Variants in CHODL observed in about 807,000 individuals in gnomAD.
The protein encoded by CHODL is chondrolectin, also known as transmembrane protein MT75.
In CHODL, 29 loss-of-function variants were observed where a neutral mutation model predicts 34.5. That is an observed-to-expected ratio of 0.84 (90% CI 0.63 to 1.15). CHODL has a LOEUF of 1.15. CHODL is among the 50% of genes most tolerant of loss of function. The pLI is 0.00. For synonymous variants in CHODL, 125 were observed against 116.1 expected, an observed-to-expected ratio of 1.08 and a Z score of -0.49; for missense variants, 332 against 332.5, an observed-to-expected ratio of 1.00 and a Z score of 0.01.
chr21:18,074,036 G>T (rs181764505), intron 2 of CHODL, among the ~76,000 whole-genome samples: 3 of 151,886 alleles, frequency 2.0e-5, no homozygotes, highest in Non-Finnish European at 4.4e-5. Context: ...CTGAAATGTC[G>T]AAAGAATACT....
chr21:18,192,811 T>A (rs2073526562), intron 2 of CHODL, among the ~76,000 whole-genome samples: 2 of 152,184 alleles, frequency 1.3e-5, no homozygotes. Context: ...TAGAACAAAG[T>A]AATCCCATTT....
chr21:18,258,410 A>G (rs2074342191), intron 3 of CHODL, among the ~76,000 whole-genome samples: 1 of 152,152 alleles, frequency 6.6e-6, no homozygotes, highest in African/African-American at 2.4e-5. Context: ...ATTATTCTTA[A>G]TATTACATTA....
At chr21:18,094,911 G>T (rs889578195) in intron 2 of CHODL, among the ~76,000 whole-genome samples, 2 of 152,038 alleles carry the variant, frequency 1.3e-5, no homozygotes, top group Non-Finnish European at 1.5e-5. Context: ...ATCTCCTGAG[G>T]TTAGGAGTTC....
intron 1 of CHODL, among the ~76,000 whole-genome samples, chr21:18,254,856 A>C (rs1335722393): frequency 1.3e-5 from 2 of 152,114 alleles, no homozygotes; most frequent in Non-Finnish European, 2.9e-5. Flanking sequence ...GAGGTATGCG[A>C]AATTTAATTT....
chr21:18,220,539 T>A (rs1435283096), intron 2 of CHODL, among the ~76,000 whole-genome samples: 1 of 152,198 alleles, frequency 6.6e-6, no homozygotes, highest in Non-Finnish European at 1.5e-5. Flanking sequence ...ATGGTAGATA[T>A]TGTTCTTTCA....
At chr21:18,080,894 G>A (rs1334461048) in intron 2 of CHODL, among the ~76,000 whole-genome samples, 1 of 152,140 alleles carries the variant, frequency 6.6e-6, no homozygotes, top group Non-Finnish European at 1.5e-5. Flanking sequence ...TAACTCGATA[G>A]GGATTGCCTT....
intron 2 of CHODL, among the ~76,000 whole-genome samples, chr21:18,040,540 G>A (rs2064362454): frequency 6.6e-6 from 1 of 151,848 alleles, no homozygotes; most frequent in African/African-American, 2.4e-5. Flanking sequence ...AGGCCTTAGT[G>A]TCTTCAATAA....
chr21:18,015,463 C>T (rs964258305), intron 1 of CHODL, among the ~76,000 whole-genome samples: 1 of 152,076 alleles, frequency 6.6e-6, no homozygotes, highest in Non-Finnish European at 1.5e-5. Flanking sequence ...TAGCCAGTCT[C>T]AGGTAGTTCT....
At chr21:18,039,179 C>T (rs1441751999) in intron 2 of CHODL, among the ~76,000 whole-genome samples, 1 of 151,644 alleles carries the variant, frequency 6.6e-6, no homozygotes, top group East Asian at 1.9e-4. Flanking sequence ...ACTAACTCCT[C>T]TGTGTTAACA....
chr21:17,994,455 A>G (rs910496281), intron 1 of CHODL, among the ~76,000 whole-genome samples: 1 of 152,306 alleles, frequency 6.6e-6, no homozygotes, highest in Admixed American at 6.5e-5. Context: ...TGGGTGGGTC[A>G]TGTGAGAGGG....
intron 2 of CHODL, among the ~76,000 whole-genome samples, chr21:18,188,796 G>A (rs1481580543): frequency 1.3e-5 from 2 of 152,324 alleles, no homozygotes; most frequent in South Asian, 2.1e-4. Flanking sequence ...ATTTGTTTAG[G>A]AATGGGGCAT....
At chr21:18,263,025 A>C in intron 5 of CHODL, 132 bp downstream of exon 5, 1 of 589,774 alleles carries the variant, frequency 1.7e-6, no homozygotes, top group East Asian at 2.8e-5. Context: ...CAATCTAATA[A>C]GATATACATT....
upstream of CHODL, among the ~76,000 whole-genome samples, chr21:18,240,490 T>C (rs1432424906): frequency 2.6e-5 from 4 of 152,158 alleles, no homozygotes; most frequent in Non-Finnish European, 5.9e-5. Context: ...CTTACCGTAG[T>C]ACAATATCAC....
intron 2 of CHODL, among the ~76,000 whole-genome samples, chr21:18,129,713 T>A (rs918967723): frequency 1.4e-4 from 22 of 152,298 alleles, no homozygotes; most frequent in Admixed American, 1.2e-3. Flanking sequence ...ATTTATCAAA[T>A]TCTCCCTGTG....
intron 1 of CHODL, among the ~76,000 whole-genome samples, chr21:17,927,093 T>C (rs2063231146): frequency 1.3e-5 from 2 of 149,942 alleles, no homozygotes; most frequent in African/African-American, 4.9e-5. Context: ...TGTATGTATG[T>C]ATATCTGTGT....
At chr21:18,013,067 G>T (rs2064034332) in intron 1 of CHODL, among the ~76,000 whole-genome samples, 1 of 152,136 alleles carries the variant, frequency 6.6e-6, no homozygotes, top group Non-Finnish European at 1.5e-5. Flanking sequence ...GTGGGAATCT[G>T]ATTGGCTTTT....
At chr21:18,046,309 AGTGGGCTGTCAGAAAGTCAGAGT>A (rs2064442802) in intron 2 of CHODL, among the ~76,000 whole-genome samples, 3 of 151,936 alleles carry the variant, frequency 2.0e-5, no homozygotes, top group Admixed American at 2.0e-4. Context: ...CAGTGCAAAG[AGTGGGCTGTCAGAAAGTCAGAGT>A]GCAGCAATAC....
chr21:18,044,335 A>G (rs1483713545), intron 2 of CHODL, among the ~76,000 whole-genome samples: 2 of 152,052 alleles, frequency 1.3e-5, no homozygotes, highest in African/African-American at 4.8e-5. Context: ...AGTGAAGTTC[A>G]TGCTAATAAT....
intron 1 of CHODL, among the ~76,000 whole-genome samples, chr21:18,003,088 C>T (rs1369320697): frequency 6.7e-6 from 1 of 149,256 alleles, no homozygotes; most frequent in African/African-American, 2.5e-5. Context: ...CGCGCCACTG[C>T]ACTCCAGCCT....
Sources: allele counts gnomAD v4.1 joint callset (sites outside exome capture counted in the v4.1 genomes callset), GRCh38; gene constraint gnomAD v4.1.1; transcripts MANE v1.5; gene names NCBI Gene and HGNC (gene_info 2026-07-23, HGNC 2026-07-21).